AMOTL1: variants seen among roughly 807,000 people sequenced by gnomAD.
The protein encoded by AMOTL1 is angiomotin-like protein 1.
Under a neutral mutation model 102.9 loss-of-function variants are expected in AMOTL1, and 45 were observed. That is an observed-to-expected ratio of 0.44 (90% CI 0.34 to 0.56). AMOTL1 has a LOEUF of 0.56. Among genes scored for constraint, AMOTL1 ranks in the 20% least tolerant of loss-of-function variants. The pLI is 0.01. For missense variants in AMOTL1, 1,114 were observed against 1,225.6 expected (o/e 0.91, Z 1.36); for synonymous variants, 481 against 484.7 (o/e 0.99, Z 0.10).
chr11:94,748,076 C>T (rs985727726), intron 3 of AMOTL1, among the ~76,000 whole-genome samples: 4 of 152,170 alleles, frequency 2.6e-5, no homozygotes, highest in African/African-American at 4.8e-5. Flanking sequence ...ATGACTGAGC[C>T]TCATTTGGGC....
intron 2 of AMOTL1, chr11:94,797,069 T>C (rs1035205728): frequency 1.0e-6 from 1 of 961,400 alleles, no homozygotes; most frequent in African/African-American, 1.8e-5. Flanking sequence ...TATTTGAGAA[T>C]GCCATTTATA....
chr11:94,744,294 T>C (rs1950564172), intron 3 of AMOTL1, among the ~76,000 whole-genome samples: 1 of 152,194 alleles, frequency 6.6e-6, no homozygotes, highest in Non-Finnish European at 1.5e-5. Flanking sequence ...TACCAGGTTA[T>C]TTTAAAGGAT....
At chr11:94,795,930 A>T (rs1209762932) in intron 2 of AMOTL1, among the ~76,000 whole-genome samples, 1 of 152,194 alleles carries the variant, frequency 6.6e-6, no homozygotes, top group Non-Finnish European at 1.5e-5. Context: ...TTACTTTCGT[A>T]ACCCCAGCAC....
At chr11:94,789,937 T>C (rs2135549754) in intron 1 of AMOTL1, among the ~76,000 whole-genome samples, 1 of 152,350 alleles carries the variant, frequency 6.6e-6, no homozygotes, top group East Asian at 1.9e-4. Flanking sequence ...CAGAAAGCTT[T>C]GCCCGTTGGT....
Position 94,795,012 on chromosome 11 carries a change from G to A in AMOTL1, c.51G>A (p.Gly17=). The A allele has an allele frequency of 1.2e-6, 2 of 1,602,034 alleles. No homozygotes were observed. The highest frequency in any genetic ancestry group is 8.5e-7 in the Non-Finnish European group (1 of 1,176,312). The change falls in exon 2 of 13, where the codon GGG becomes GGA. Residue 17 remains glycine (G), a splice_region_variant and synonymous_variant. Transcript: ENST00000433060. ...RRGTCEPAVK[G]SPSACYSPSS... is the part of the protein sequence containing the mutation. Reference sequence around the variant, plus strand: ...TTCACTTCGCTTTCTTTCCCCCAGGGTCCCCTTCTGCTTGTTATAGCCCCA... The same window carrying A: ...TTCACTTCGCTTTCTTTCCCCCAGGATCCCCTTCTGCTTGTTATAGCCCCA...
chr11:94,840,681 T>TATATATATATATAC (rs1166713705), intron 6 of AMOTL1, among the ~76,000 whole-genome samples: 22 of 104,782 alleles, frequency 2.1e-4, no homozygotes, highest in African/African-American at 7.7e-4. Flanking sequence ...TATATATATA[T>TATATATATATATAC]ACACACACAC....
intron 1 of AMOTL1, among the ~76,000 whole-genome samples, chr11:94,719,202 A>G (rs565378110): frequency 6.6e-6 from 1 of 152,048 alleles, no homozygotes; most frequent in Non-Finnish European, 1.5e-5. Context: ...TGGACTTCCT[A>G]TTCTGTGCTA....
At chr11:94,808,000 A>G (rs956800412) in intron 3 of AMOTL1, among the ~76,000 whole-genome samples, 2 of 124,824 alleles carry the variant, frequency 1.6e-5, no homozygotes, top group African/African-American at 3.1e-5. Flanking sequence ...GGGACCCCAA[A>G]ATCACTAAGC....
At chr11:94,730,394 C>T (rs190387543) in intron 2 of AMOTL1, among the ~76,000 whole-genome samples, 11 of 152,282 alleles carry the variant, frequency 7.2e-5, no homozygotes, top group Non-Finnish European at 1.3e-4. Context: ...GAAGCTTCTG[C>T]TTAAGTCATC....
At chr11:94,755,504 G>A (rs1472441204) in intron 3 of AMOTL1, among the ~76,000 whole-genome samples, 1 of 152,184 alleles carries the variant, frequency 6.6e-6, no homozygotes, top group Admixed American at 6.5e-5. Flanking sequence ...GTTACACAGT[G>A]ATCATTATTA....
rs1953058296 is a variant in AMOTL1, at chr11:94,874,336, G to A, written c.*3541G>A. 1 of 152,258 alleles carries A rather than the reference G, an allele frequency of 6.6e-6. No homozygotes were observed. The highest frequency in any genetic ancestry group is 2.4e-5 in the African/African-American group (1 of 41,460). The allele number at this position is 152,258 out of a possible 1,614,324, so 9.4% of individuals were successfully genotyped here. A position where few individuals can be genotyped will look rare whatever the true frequency, so the allele number is the denominator to read the frequency against. On this transcript the variant is annotated 3_prime_UTR_variant, in exon 13 of 13. Coordinates refer to ENST00000433060, the MANE Select transcript of AMOTL1 (RefSeq NM_130847.3). ...TTTCTCTGCCTCCCAGAGGCTGGCA[G>A]CCAGTGACACTGCAGAGTTCAGCAT... is the stretch of plus-strand genomic sequence containing the variant.
Position 94,870,722 on chromosome 11 carries a change from A to G in AMOTL1, c.2798A>G (p.His933Arg), listed in dbSNP as rs765812571. 1.9e-6 allele frequency: 3 copies of G among 1,604,414 alleles called. No individual in the cohort carries two copies. Among genetic ancestry groups the G allele is most frequent in the South Asian group, 1.1e-5 (1 of 88,996 alleles). ...CCTGGCCATGGGAAGTCGCCTGACC[A>G]CAGAGGCCGGGTCAGCAGCTTGCTG... ...NSPGHGKSPD[H>R]RGRVSSLLHK... The change falls in exon 13 of 13, where the codon CAC becomes CGC. Residue 933 changes from histidine (H) to arginine (R), a missense_variant. By Grantham distance (29) the His-to-Arg change is conservative (BLOSUM62 0). Transcript: ENST00000433060.
chr11:94,827,707 CT>C (rs1592007449), intron 4 of AMOTL1, among the ~76,000 whole-genome samples: 1 of 152,144 alleles, frequency 6.6e-6, no homozygotes, highest in African/African-American at 2.4e-5. Flanking sequence ...CGAAGGGAAC[CT>C]TGGTTATCTC....
At chr11:94,801,606 T>G (rs1197368802) in intron 3 of AMOTL1, among the ~76,000 whole-genome samples, 1 of 151,954 alleles carries the variant, frequency 6.6e-6, no homozygotes, top group Non-Finnish European at 1.5e-5. Context: ...AGATCAGAAT[T>G]GGTGAGGGTG....
At chr11:94,790,671 T>C (rs7124110) in intron 1 of AMOTL1, among the ~76,000 whole-genome samples, 14,779 of 152,052 alleles carry the variant, frequency 0.097, 1,329 homozygotes, top group East Asian at 0.28. Context: ...GAAGTTATAG[T>C]CCAAATCATT....
chr11:94,825,240 C>T (rs1951940454), intron 4 of AMOTL1, among the ~76,000 whole-genome samples: 2 of 152,178 alleles, frequency 1.3e-5, no homozygotes, highest in Admixed American at 1.3e-4. Flanking sequence ...CAAGTATTAA[C>T]AGTTACCCCA....
In AMOTL1 at chr11:94,869,414, C is replaced by G. The variant is rs1255843459; in HGVS notation, c.2705C>G (p.Thr902Ser). The stretch of plus-strand genomic sequence containing the variant: ...CCCAGCCGCGGCCGGCTGAGCACGA[C>G]CCCTGCTCACAGCCCCGTCCTGAAA... ...SLPSRGRLST[T>S]PAHSPVLKHP... Residue 902 changes from threonine (T) to serine (S), a missense_variant, in exon 12 of 13, where the codon ACC becomes AGC. By Grantham distance (58) the Thr-to-Ser change is moderately conservative. Coordinates refer to ENST00000433060, the MANE Select transcript of AMOTL1 (RefSeq NM_130847.3). 5 of 1,605,044 alleles carry G rather than the reference C, an allele frequency of 3.1e-6. No individual in the cohort carries two copies. The South Asian group carries it at 5.6e-5, about 18-fold the overall frequency.
intron 1 of AMOTL1, among the ~76,000 whole-genome samples, chr11:94,721,934 A>G (rs185216108): frequency 6.6e-6 from 1 of 152,232 alleles, no homozygotes; most frequent in Non-Finnish European, 1.5e-5. Context: ...GCCCATGTCA[A>G]TATCCTATTC....
intron 1 of AMOTL1, among the ~76,000 whole-genome samples, chr11:94,726,463 A>G (rs1369914169): frequency 6.6e-6 from 1 of 152,192 alleles, no homozygotes; most frequent in Non-Finnish European, 1.5e-5. Context: ...GCTTAGTTCT[A>G]AAAAAGTGAT....
Sources: gnomAD v4.1 joint callset for allele counts (sites outside exome capture counted in the v4.1 genomes callset) on GRCh38, gnomAD v4.1.1 for gene constraint, MANE v1.5 for transcripts, NCBI Gene and HGNC (gene_info 2026-07-23, HGNC 2026-07-21) for gene names.